Variants in DCDC1 observed in about 807,000 individuals in gnomAD.
DCDC1 encodes doublecortin domain-containing protein 1.
A neutral mutation model predicts 178.3 loss-of-function variants in DCDC1; 200 were observed. The observed-to-expected ratio is 1.12, with a 90% CI of 1.00 to 1.26. The LOEUF (loss-of-function observed/expected upper bound fraction) is 1.26. DCDC1 is among the 50% of genes most tolerant of loss of function. The probability of loss-of-function intolerance (pLI) is 0.00; values close to 1 mark genes in which losing one functional copy is unlikely to be tolerated. For synonymous variants in DCDC1, 690 were observed against 604.8 expected (o/e 1.14, Z -2.07); for missense variants, 1,983 against 1,749.2 (o/e 1.13, Z -2.38).
At chr11:31,128,119 ACCTT>A (rs768768661) in intron 10 of DCDC1, among the ~76,000 whole-genome samples, 27 of 151,898 alleles carry the variant, frequency 1.8e-4, no homozygotes, top group Non-Finnish European at 3.2e-4. Context: ...CATTTTGTTG[ACCTT>A]TAAAGTTAAC....
At chr11:31,025,605 T>C (rs1429479667) in intron 20 of DCDC1, among the ~76,000 whole-genome samples, 1 of 151,836 alleles carries the variant, frequency 6.6e-6, no homozygotes, top group Non-Finnish European at 1.5e-5. Flanking sequence ...AAATGCTTAA[T>C]GTGACTTTTT....
intron 11 of DCDC1, among the ~76,000 whole-genome samples, chr11:31,116,693 T>C (rs1302832736): frequency 6.6e-6 from 1 of 152,070 alleles, no homozygotes; most frequent in Admixed American, 6.6e-5. Context: ...AATTCATATA[T>C]TTATGCTATA....
intron 22 of DCDC1, among the ~76,000 whole-genome samples, chr11:30,929,127 T>C (rs1365445281): frequency 6.6e-6 from 1 of 152,114 alleles, no homozygotes; most frequent in Admixed American, 6.6e-5. Flanking sequence ...TAACCATTCA[T>C]TCGTTCAGTA....
chr11:31,091,492 C>T lies in DCDC1; in HGVS notation c.2138G>A (p.Arg713Gln), dbSNP rs566883243. ...LITKTGMILS[R>Q]AITQGCLAIG... The stretch of plus-strand genomic sequence containing the variant: ...AGCCAGGCAGCCCTGAGTTATCGCT[C>T]GGCTCAGGATCATTCCAGTCTTCCA... The change falls in exon 17 of 39, where the codon CGA (arginine) becomes CAA (glutamine). Residue 713 changes from arginine to glutamine, a missense_variant. Physicochemically the swap from Arg to Gln is conservative, Grantham distance 43. Coordinates refer to ENST00000684477, the MANE Select transcript of DCDC1 (RefSeq NM_001387274.1). The T allele has an allele frequency of 3.2e-5, 24 of 756,266 alleles. No individual in the cohort carries two copies. Among genetic ancestry groups the T allele is most frequent in the African/African-American group, 1.5e-4 (9 of 59,080 alleles). 46.8% of individuals were successfully genotyped at this position (756,266 alleles called of 1,614,324 possible). A position where few individuals can be genotyped will look rare whatever the true frequency, so the allele number is the denominator to read the frequency against.
At chr11:31,021,176 A>G (rs1161690277) in intron 20 of DCDC1, among the ~76,000 whole-genome samples, 3 of 152,232 alleles carry the variant, frequency 2.0e-5, no homozygotes, top group African/African-American at 7.2e-5. Flanking sequence ...TTTGGCAAGA[A>G]CTGTAAAAAT....
chr11:31,008,508 G>T (rs530698539), intron 20 of DCDC1, among the ~76,000 whole-genome samples: 1 of 152,314 alleles, frequency 6.6e-6, no homozygotes, highest in East Asian at 1.9e-4. Flanking sequence ...CCAGGTTTCA[G>T]AGCTGCTACA....
intron 22 of DCDC1, among the ~76,000 whole-genome samples, chr11:30,929,263 G>C (rs1946780337): frequency 6.6e-6 from 1 of 152,040 alleles, no homozygotes; most frequent in Admixed American, 6.6e-5. Context: ...TTGTACATCT[G>C]CTATGAATGA....
chr11:31,186,097 C>G (rs148302607), intron 9 of DCDC1, among the ~76,000 whole-genome samples: 6 of 152,276 alleles, frequency 3.9e-5, no homozygotes, highest in Non-Finnish European at 8.8e-5. Flanking sequence ...GCTCACTTAA[C>G]CCCTTTGTTT....
At chr11:31,095,542 A>G (rs950517253) in intron 15 of DCDC1, among the ~76,000 whole-genome samples, 1 of 152,228 alleles carries the variant, frequency 6.6e-6, no homozygotes, top group African/African-American at 2.4e-5. Context: ...CAGATTGTAG[A>G]ATGAAGACAT....
chr11:30,883,015 A>G (rs925124350), intron 36 of DCDC1: 1 of 152,426 alleles, frequency 6.6e-6, no homozygotes, highest in Non-Finnish European at 1.5e-5. Context: ...ACTGATTAAA[A>G]CATATTGACA....
chr11:31,179,606 T>C (rs1304821778), intron 9 of DCDC1, among the ~76,000 whole-genome samples: 3 of 152,210 alleles, frequency 2.0e-5, no homozygotes, highest in African/African-American at 7.2e-5. Flanking sequence ...CACTCCTATG[T>C]GGGATCTTTT....
At chr11:30,930,471 T>A (rs1014559602) in intron 22 of DCDC1, among the ~76,000 whole-genome samples, 3 of 152,164 alleles carry the variant, frequency 2.0e-5, no homozygotes, top group Non-Finnish European at 2.9e-5. Flanking sequence ...TTTAATTATT[T>A]GGGAGTAATT....
intron 20 of DCDC1, among the ~76,000 whole-genome samples, chr11:30,961,323 A>C (rs1387990145): frequency 1.3e-5 from 2 of 152,126 alleles, no homozygotes; most frequent in Non-Finnish European, 2.9e-5. Flanking sequence ...TCAGGACAAA[A>C]TTGTATTGTT....
chr11:31,288,453 C>T (rs183274174), intron 7 of DCDC1, among the ~76,000 whole-genome samples: 1 of 151,938 alleles, frequency 6.6e-6, no homozygotes, highest in Non-Finnish European at 1.5e-5. Context: ...TAATTACTTC[C>T]TAAAGTAAAT....
chr11:31,243,281 C>T (rs1002208067), intron 8 of DCDC1, among the ~76,000 whole-genome samples: 1 of 151,612 alleles, frequency 6.6e-6, no homozygotes, highest in Non-Finnish European at 1.5e-5. Flanking sequence ...ATCATCAGTG[C>T]TTTTAGTTTA....
At chr11:31,216,360 A>G (rs537740705) in intron 9 of DCDC1, among the ~76,000 whole-genome samples, 7 of 152,284 alleles carry the variant, frequency 4.6e-5, no homozygotes, top group African/African-American at 1.7e-4. Context: ...ATGCTGTAAA[A>G]GCTTATAGCA....
rs1203697861 is a variant in DCDC1 at position 31,227,511 on chromosome 11, G to A, written c.1221+13939C>T. Among the ~76,000 whole-genome samples, 5 of 151,600 alleles carry A rather than the reference G, an allele frequency of 3.3e-5. No homozygotes were observed. The East Asian group carries it at 7.8e-4, about 24-fold the overall frequency. On this transcript the variant is annotated intron_variant, in intron 9 of 38. Transcript: ENST00000684477. Reference sequence around the variant, plus strand: ...CACATTTCAACATGACACTTGGGGGGAAAAAAATACTAACTATTTCAGTAG... The same window carrying A: ...CACATTTCAACATGACACTTGGGGGAAAAAAAATACTAACTATTTCAGTAG...
At chr11:31,145,843 G>C (rs575243890) in intron 9 of DCDC1, among the ~76,000 whole-genome samples, 15 of 152,282 alleles carry the variant, frequency 9.9e-5, no homozygotes, top group Admixed American at 3.3e-4. Flanking sequence ...AATATGTGCA[G>C]TGTGGCTGCA....
intron 21 of DCDC1, among the ~76,000 whole-genome samples, chr11:30,934,681 G>C (rs1200057957): frequency 6.6e-6 from 1 of 152,130 alleles, no homozygotes; most frequent in East Asian, 1.9e-4. Flanking sequence ...TCCTGGCATA[G>C]AGCCAACATG....
Sources: gnomAD v4.1 joint callset for allele counts (sites outside exome capture counted in the v4.1 genomes callset) on GRCh38, gnomAD v4.1.1 for gene constraint, MANE v1.5 for transcripts, NCBI Gene and HGNC (gene_info 2026-07-23, HGNC 2026-07-21) for gene names.